MS4A3: variants seen among roughly 807,000 people sequenced by gnomAD.
MS4A3 encodes the protein membrane-spanning 4-domains subfamily A member 3.
A neutral mutation model predicts 24.7 loss-of-function variants in MS4A3; 18 were observed. That is an observed-to-expected ratio of 0.73 (90% CI 0.50 to 1.08). The LOEUF is 1.08. MS4A3 is among the 50% of genes least tolerant of loss of function. The probability of loss-of-function intolerance (pLI) is 0.00; values close to 1 mark genes in which losing one functional copy is unlikely to be tolerated. For missense variants in MS4A3, 282 were observed against 251.7 expected, an observed-to-expected ratio of 1.12 and a Z score of -0.82; for synonymous variants, 84 against 95.3, an observed-to-expected ratio of 0.88 and a Z score of 0.69.
rs764034735 is a variant in MS4A3, at chr11:60,061,444, T to C, written c.156+128T>C. 6.8e-5 allele frequency: 77 copies of C among 1,137,598 alleles called. No individual in the cohort carries two copies. The Admixed American group carries it at 1.6e-3, about 24-fold the overall frequency. 70.5% of individuals were successfully genotyped at this position (1,137,598 alleles called of 1,614,324 possible). ...GGATTTCTTCCACCTCTGTTTGCCA[T>C]CCCGAGACAGCAAGAACAACCCCTG... On this transcript the variant is annotated intron_variant, in intron 2 of 6. Coordinates refer to ENST00000278865, the MANE Select transcript of MS4A3 (RefSeq NM_006138.5).
chr11:60,059,833 C>T (rs1387050908), intron 1 of MS4A3, among the ~76,000 whole-genome samples: 1 of 152,126 alleles, frequency 6.6e-6, no homozygotes, highest in Non-Finnish European at 1.5e-5. Flanking sequence ...AATAGTGCTG[C>T]AATGAACATT....
intron 5 of MS4A3, among the ~76,000 whole-genome samples, chr11:60,069,174 T>G (rs1419385586): frequency 6.6e-6 from 1 of 152,232 alleles, no homozygotes; most frequent in Non-Finnish European, 1.5e-5. Flanking sequence ...ATAATGTAAA[T>G]GCCTAAACCC....
chr11:60,068,705 T>TTTA (rs942971910), intron 5 of MS4A3, among the ~76,000 whole-genome samples: 8 of 152,048 alleles, frequency 5.3e-5, no homozygotes, highest in East Asian at 3.9e-4. Context: ...CTGTTTTCTT[T>TTTA]TTATTATTAT....
chr11:60,062,261 T>C (rs1369989456), intron 2 of MS4A3, among the ~76,000 whole-genome samples: 1 of 152,018 alleles, frequency 6.6e-6, no homozygotes, highest in African/African-American at 2.4e-5. Flanking sequence ...GGGGGAGAGG[T>C]GAAGACAAAA....
At position 60,070,459 on chromosome 11, in the gene MS4A3, T is replaced by C. The variant is rs1391483130; in HGVS notation, c.*226T>C. 3 of 470,076 alleles carry C rather than the reference T, an allele frequency of 6.4e-6. No homozygotes were observed. The highest frequency in any genetic ancestry group is 2.0e-5 in the African/African-American group (1 of 49,082). The allele number at this position is 470,076 out of a possible 1,614,324, so 29.1% of individuals were successfully genotyped here. On this transcript the variant is annotated 3_prime_UTR_variant, in exon 7 of 7. Transcript: ENST00000278865. ...GTGGGTATGGAAGGACAGATATATT[T>C]CTTTAGGCATTCTTGGATATCTGTA... is the stretch of plus-strand genomic sequence containing the variant.
chr11:60,057,116 A>G (rs1855182702), intron 1 of MS4A3, among the ~76,000 whole-genome samples: 2 of 152,158 alleles, frequency 1.3e-5, no homozygotes, highest in South Asian at 4.1e-4. Context: ...AGCATAGCTC[A>G]GGGGACAGTG....
chr11:60,070,148 G>A, intron 6 of MS4A3, 56 bp from the exon 7 acceptor site: 1 of 1,399,716 alleles, frequency 7.1e-7, no homozygotes. Flanking sequence ...GAAGGGATGG[G>A]AGGAGAAGGA....
chr11:60,066,052 G>C (rs987879317), intron 4 of MS4A3, among the ~76,000 whole-genome samples: 1 of 152,156 alleles, frequency 6.6e-6, no homozygotes, highest in East Asian at 1.9e-4. Context: ...CCTCATGTCA[G>C]CTGATGGGAA....
intron 1 of MS4A3, among the ~76,000 whole-genome samples, chr11:60,060,420 T>C (rs879371139): frequency 6.6e-6 from 1 of 152,200 alleles, no homozygotes; most frequent in South Asian, 2.1e-4. Flanking sequence ...GTCATGCAAC[T>C]AGTAAATGAT....
chr11:60,062,509 T>C lies in MS4A3; in HGVS notation c.198T>C (p.Gly66=). The C allele has an allele frequency of 6.2e-7, 1 of 1,614,098 alleles. No homozygotes were observed. Among genetic ancestry groups the C allele is most frequent in the Non-Finnish European group, 8.5e-7 (1 of 1,179,988 alleles). ...ATGCAGCAATGATTCTGGCTTTGGG[T>C]GTCTTTCTGGGTTCCTTGCAATACC... is the stretch of plus-strand genomic sequence containing the variant. ...ILNAAMILAL[G]VFLGSLQYPY... Residue 66 remains glycine (G), a synonymous_variant, in exon 3 of 7, where the codon GGT becomes GGC. Transcript: ENST00000278865.
At chr11:60,067,359 G>A (rs1392972344) in intron 5 of MS4A3, among the ~76,000 whole-genome samples, 2 of 151,836 alleles carry the variant, frequency 1.3e-5, no homozygotes, top group Admixed American at 6.6e-5. Context: ...GACTACAGGC[G>A]GCCACCACCA....
chr11:60,057,587 G>A (rs117847946), intron 1 of MS4A3, among the ~76,000 whole-genome samples: 3,826 of 152,152 alleles, frequency 0.025, 65 homozygotes, highest in South Asian at 0.046. Context: ...TGTGTTTTTA[G>A]TAGAAACAGG....
chr11:60,069,524 T>A (rs770596362), intron 5 of MS4A3, 50 bp from the exon 6 acceptor site: 5 of 1,285,460 alleles, frequency 3.9e-6, no homozygotes, highest in Non-Finnish European at 4.5e-6. Flanking sequence ...TTTTTTTTTT[T>A]ACCTCTGGAT....
intron 4 of MS4A3, among the ~76,000 whole-genome samples, chr11:60,064,872 T>C (rs1855334130): frequency 6.6e-6 from 1 of 152,188 alleles, no homozygotes; most frequent in Admixed American, 6.5e-5. Context: ...TAGAAGGGAA[T>C]TTTCAGACCT....
chr11:60,069,822 T>C (rs913642723), intron 6 of MS4A3, 147 bp downstream of exon 6: 1 of 712,000 alleles, frequency 1.4e-6, no homozygotes, highest in Non-Finnish European at 2.4e-6. Context: ...ATGTTAGAGA[T>C]GGAATGAAGG....
At chr11:60,066,917 C>T (rs1855369790) in intron 4 of MS4A3, 34 bp from the exon 5 acceptor site, 1 of 1,510,298 alleles carries the variant, frequency 6.6e-7, no homozygotes, top group African/African-American at 1.4e-5. Context: ...GTACGTGCTG[C>T]ATATATTAAT....
In MS4A3 at chr11:60,070,172, T is replaced by C. The variant is rs375830368; in HGVS notation, c.616-32T>C. The C allele has an allele frequency of 2.2e-5, 34 of 1,573,228 alleles. No homozygotes were observed. In the African/African-American group the frequency reaches 4.3e-4, roughly 20 times the overall value. ...GGAGGAGAAGGAGATAATGATCCTG[T>C]TCTTGGACATTAATGTTGTTTTATT... is the stretch of plus-strand genomic sequence containing the variant. On this transcript the variant is annotated intron_variant, in intron 6 of 6. Coordinates refer to ENST00000278865, the MANE Select transcript of MS4A3 (RefSeq NM_006138.5).
chr11:60,068,806 A>G (rs935248972), intron 5 of MS4A3, among the ~76,000 whole-genome samples: 2 of 152,042 alleles, frequency 1.3e-5, no homozygotes, highest in African/African-American at 2.4e-5. Flanking sequence ...TGCATCTATT[A>G]ACATGTCATT....
In MS4A3 at chr11:60,064,330, T is replaced by G; in HGVS notation, c.351+12T>G. On this transcript the variant is annotated intron_variant, in intron 4 of 6. Coordinates refer to ENST00000278865, the MANE Select transcript of MS4A3 (RefSeq NM_006138.5). ...CCACAAGAACATGGGTAAGTAGCAC[T>G]TCCTCTTTTTCTATGATCAGAGGAG... The G allele has an allele frequency of 1.3e-6, 2 of 1,586,420 alleles. No individual in the cohort carries two copies. Among genetic ancestry groups the G allele is most frequent in the Non-Finnish European group, 1.7e-6 (2 of 1,161,116 alleles).
Sources: allele counts gnomAD v4.1 joint callset (sites outside exome capture counted in the v4.1 genomes callset), GRCh38; gene constraint gnomAD v4.1.1; transcripts MANE v1.5; gene names NCBI Gene and HGNC (gene_info 2026-07-23, HGNC 2026-07-21).